PCDHA2: variants seen among roughly 807,000 people sequenced by gnomAD.
The protein encoded by PCDHA2 is protocadherin alpha-2.
In PCDHA2, 58 loss-of-function variants were observed where a neutral mutation model predicts 66.0. That is an observed-to-expected ratio of 0.88 (90% CI 0.71 to 1.09). The LOEUF (loss-of-function observed/expected upper bound fraction) is 1.09, where lower values mean the gene tolerates loss of function less well. Among genes scored for constraint, PCDHA2 ranks in the 50% least tolerant of loss-of-function variants. The pLI is 0.00. For synonymous variants in PCDHA2, 634 were observed against 554.0 expected (o/e 1.14, Z -2.03); for missense variants, 1,267 against 1,242.3 (o/e 1.02, Z -0.30).
chr5:140,806,863 G>A, intron 1 of PCDHA2: 1 of 354,482 alleles, frequency 2.8e-6, no homozygotes, highest in Non-Finnish European at 5.1e-6. Flanking sequence ...GTGGTACAAT[G>A]TGTACCACAG....
intron 1 of PCDHA2, among the ~76,000 whole-genome samples, chr5:140,845,887 A>G (rs1214611865): frequency 6.7e-6 from 1 of 149,822 alleles, no homozygotes; most frequent in Non-Finnish European, 1.5e-5. Context: ...AATGTCAGAA[A>G]GTCGTTATGG....
intron 1 of PCDHA2, among the ~76,000 whole-genome samples, chr5:140,943,705 C>T (rs528361276): frequency 1.6e-4 from 25 of 152,150 alleles, no homozygotes; most frequent in Middle Eastern, 3.4e-3. Context: ...TATTGTGGAA[C>T]ACATTTAAAG....
At chr5:140,929,768 C>T (rs534287991) in intron 1 of PCDHA2, 1 of 175,482 alleles carries the variant, frequency 5.7e-6, no homozygotes, top group South Asian at 2.0e-4. Context: ...ACGATAACCA[C>T]AAAAGATGTA....
intron 2 of PCDHA2, among the ~76,000 whole-genome samples, chr5:140,979,796 T>A (rs1322390860): frequency 3.3e-5 from 5 of 152,236 alleles, no homozygotes; most frequent in Non-Finnish European, 7.3e-5. Flanking sequence ...AAACAAATGA[T>A]CACAACTATC....
Position 141,012,299 on chromosome 5 carries a change from A to G in PCDHA2, c.*2362A>G, listed in dbSNP as rs1554263904. 1 of 153,754 alleles carries G rather than the reference A, an allele frequency of 6.5e-6. No homozygotes were observed. Among genetic ancestry groups the G allele is most frequent in the African/African-American group, 2.4e-5 (1 of 41,456 alleles). The allele number at this position is 153,754 out of a possible 1,614,324, so 9.5% of individuals were successfully genotyped here. A position where few individuals can be genotyped will look rare whatever the true frequency, so the allele number is the denominator to read the frequency against. ...TGTGGATTCATTTTGAATTGGTGCT[A>G]TTGGTATTTCCTCTGTTATTGCTAA... On this transcript the variant is annotated 3_prime_UTR_variant, in exon 4 of 4. Transcript: ENST00000526136.
intron 1 of PCDHA2, among the ~76,000 whole-genome samples, chr5:140,913,578 A>G (rs1206858917): frequency 2.0e-5 from 3 of 152,072 alleles, no homozygotes; most frequent in Non-Finnish European, 2.9e-5. Context: ...CATTTCAAAT[A>G]TATTTCTGCT....
At chr5:140,808,824 G>T (rs142005186) in intron 1 of PCDHA2, 2 of 1,612,884 alleles carry the variant, frequency 1.2e-6, no homozygotes, top group Non-Finnish European at 8.5e-7. Flanking sequence ...CCACCTCTGG[G>T]CAGCAACGTG....
intron 1 of PCDHA2, among the ~76,000 whole-genome samples, chr5:140,839,815 A>G (rs1776430186): frequency 6.6e-6 from 1 of 152,044 alleles, no homozygotes; most frequent in Admixed American, 6.6e-5. Context: ...ATTGCCTACT[A>G]TGAAGGCATT....
At chr5:140,886,405 GT>G (rs2060969795) in intron 1 of PCDHA2, among the ~76,000 whole-genome samples, 1 of 151,966 alleles carries the variant, frequency 6.6e-6, no homozygotes, top group Admixed American at 6.6e-5. Context: ...TCACAAATAT[GT>G]TTTCCTCCTA....
At chr5:140,999,620 G>A (rs184259991) in intron 3 of PCDHA2, among the ~76,000 whole-genome samples, 6 of 152,262 alleles carry the variant, frequency 3.9e-5, no homozygotes, top group African/African-American at 1.2e-4. Flanking sequence ...TATCAACCAG[G>A]AAACAAGGTA....
Position 141,009,653 on chromosome 5 carries a change from C to T in PCDHA2, c.2563C>T (p.Pro855Ser). ...ACCAGAGGCAGGAGAAGTGTCCCCTCCAGTCGGTGCGGGTGTCAACAGCAA... is the reference window on the plus strand; with the variant it reads ...ACCAGAGGCAGGAGAAGTGTCCCCTTCAGTCGGTGCGGGTGTCAACAGCAA... The part of the protein sequence containing the change: ...PEPEAGEVSP[P>S]VGAGVNSNSW... The change falls in exon 4 of 4, where the codon CCA becomes TCA. Residue 855 changes from proline (P) to serine (S), a missense_variant. Physicochemically the swap from Pro to Ser is moderately conservative, Grantham distance 74. Transcript: ENST00000526136. 1 of 1,613,998 alleles carries T rather than the reference C, an allele frequency of 6.2e-7. No individual in the cohort carries two copies. The highest frequency in any genetic ancestry group is 8.5e-7 in the Non-Finnish European group (1 of 1,179,950).
rs1161459762 is a variant in PCDHA2, at chr5:140,884,196, C to A, written c.2388+86844C>A. 1.9e-6 allele frequency: 3 copies of A among 1,613,298 alleles called. No homozygotes were observed. The African/African-American group carries it at 4.0e-5, about 22-fold the overall frequency. On this transcript the variant is annotated intron_variant, in intron 1 of 3. Coordinates refer to ENST00000526136, the MANE Select transcript of PCDHA2 (RefSeq NM_018905.3). ...CGCCCTCTGGACGAGGTGGACGCGCCGCACCACCGCCTTCTGGTGCTGGTG... is the reference window on the plus strand; with the variant it reads ...CGCCCTCTGGACGAGGTGGACGCGCAGCACCACCGCCTTCTGGTGCTGGTG...
intron 1 of PCDHA2, chr5:140,877,904 A>G (rs1421896402): frequency 7.0e-7 from 1 of 1,436,098 alleles, no homozygotes; most frequent in East Asian, 2.5e-5. Context: ...GGTTATAACT[A>G]CATTCTCTCA....
intron 1 of PCDHA2, among the ~76,000 whole-genome samples, chr5:140,970,970 T>C (rs1554232920): frequency 1.3e-5 from 2 of 152,170 alleles, no homozygotes; most frequent in African/African-American, 2.4e-5. Flanking sequence ...GATTGTAGAT[T>C]AAGAAAAATG....
chr5:140,850,583 C>T, intron 1 of PCDHA2: 2 of 1,598,412 alleles, frequency 1.3e-6, no homozygotes, highest in South Asian at 1.1e-5. Context: ...TGGTGGATGT[C>T]AACGTGTACC....
Position 140,848,795 on chromosome 5 carries a change from G to A in PCDHA2, c.2388+51443G>A. 3 of 1,592,816 alleles carry A rather than the reference G, an allele frequency of 1.9e-6. 1 individual carries two copies. Among genetic ancestry groups the A allele is most frequent in the Non-Finnish European group, 2.6e-6 (3 of 1,163,690 alleles). On this transcript the variant is annotated intron_variant, in intron 1 of 3. Transcript: ENST00000526136. ...GCGAGGAGCTGTGCGGGCGGAGCGC[G>A]GAGTGCAGCATCCACCTGGAGGTGA...
chr5:140,996,659 T>C (rs2097736809), intron 3 of PCDHA2, among the ~76,000 whole-genome samples: 1 of 152,230 alleles, frequency 6.6e-6, no homozygotes, highest in Non-Finnish European at 1.5e-5. Context: ...GGGTGCAGGC[T>C]AGTTTTTGAA....
At chr5:140,967,870 G>T in intron 1 of PCDHA2, 1 of 1,614,152 alleles carries the variant, frequency 6.2e-7, no homozygotes, top group Non-Finnish European at 8.5e-7. Flanking sequence ...TGGTGCTCAC[G>T]GACCTGTATA....
chr5:140,976,933 A>G (rs1554238099), intron 1 of PCDHA2, among the ~76,000 whole-genome samples: 1 of 152,198 alleles, frequency 6.6e-6, no homozygotes, highest in African/African-American at 2.4e-5. Context: ...CTGTGTAGCT[A>G]CTTAAAACAT....
Sources: gnomAD v4.1 joint callset for allele counts (sites outside exome capture counted in the v4.1 genomes callset) on GRCh38, gnomAD v4.1.1 for gene constraint, MANE v1.5 for transcripts, NCBI Gene and HGNC (gene_info 2026-07-23, HGNC 2026-07-21) for gene names.